Variants in C2CD2 observed in about 807,000 individuals in gnomAD.
C2CD2 encodes C2 calcium dependent domain containing 2, also known as C2 domain-containing protein 2.
In C2CD2, 43 loss-of-function variants were observed where a neutral mutation model predicts 74.3. That is an observed-to-expected ratio of 0.58 (90% CI 0.45 to 0.75). The LOEUF (loss-of-function observed/expected upper bound fraction) is 0.75. Ranked by LOEUF, C2CD2 falls within the 30% of genes least tolerant of loss-of-function variation. C2CD2 has a pLI of 0.00. For synonymous variants in C2CD2, 422 were observed against 390.7 expected (o/e 1.08, Z -0.94); for missense variants, 801 against 916.3 (o/e 0.87, Z 1.63).
chr21:41,934,057 A>AT (rs771487769), intron 2 of C2CD2, among the ~76,000 whole-genome samples: 79 of 152,230 alleles, frequency 5.2e-4, no homozygotes, highest in Non-Finnish European at 1.0e-3. Context: ...AAAAAAAAAA[A>AT]GTTTGGACAT....
At chr21:41,938,845 G>A (rs906023773) in intron 2 of C2CD2, among the ~76,000 whole-genome samples, 5 of 151,096 alleles carry the variant, frequency 3.3e-5, no homozygotes, top group East Asian at 1.9e-4. Flanking sequence ...AGGTTCAAGC[G>A]ATTCTCCTGC....
At position 41,888,877 on chromosome 21, in the gene C2CD2, C is replaced by T. The variant is rs1569049872; in HGVS notation, c.*247G>A. 4 of 574,052 alleles carry T rather than the reference C, an allele frequency of 7.0e-6. No individual in the cohort carries two copies. In the East Asian group the frequency reaches 1.2e-4, roughly 17 times the overall value. The allele number at this position is 574,052 out of a possible 1,614,324, so 35.6% of individuals were successfully genotyped here. ...CCTAACCCTTAGCTATGAGCACAGC[C>T]CAAGCTCTGCAGCTGTCAAGTCTCA... On this transcript the variant is annotated 3_prime_UTR_variant, in exon 14 of 14. Coordinates refer to ENST00000380486, the MANE Select transcript of C2CD2 (RefSeq NM_015500.2).
chr21:41,909,491 A>T lies in C2CD2; in HGVS notation c.986T>A (p.Leu329Gln), dbSNP rs377041758. ...ELNAKSKELH[L>Q]QISEAGRSSE... ...GGATCGCCCAGCCTCTGAAATCTGC[A>T]GGTGTAACTCCTTCGACTTGGCATT... The change falls in exon 8 of 14, where the codon CTG (leucine) becomes CAG (glutamine). Residue 329 changes from leucine to glutamine, a missense_variant. Physicochemically the swap from Leu to Gln is moderately radical, Grantham distance 113. Transcript: ENST00000380486. 6.2e-7 allele frequency: 1 copy of T among 1,613,638 alleles called. No homozygotes were observed. Among genetic ancestry groups the T allele is most frequent in the African/African-American group, 1.3e-5 (1 of 74,898 alleles).
chr21:41,929,811 T>C lies in C2CD2; in HGVS notation c.379-7726A>G, dbSNP rs2065247550. Among the ~76,000 whole-genome samples the C allele has an allele frequency of 6.6e-6, 1 of 152,188 alleles. No homozygotes were observed. The highest frequency in any genetic ancestry group is 2.1e-4 in the South Asian group (1 of 4,832). The stretch of plus-strand genomic sequence containing the variant: ...GTTACGTTGAAAGCCACAGTTACCA[T>C]ACTGTAACCAGAATTCAGGCAGTGG... On this transcript the variant is annotated intron_variant, in intron 2 of 13. Transcript: ENST00000380486. This position sits in a 1 kb window ranked among gnomAD's most constrained non-coding sequence, Gnocchi z 4.6.
chr21:41,950,937 G>T (rs1278497892), intron 1 of C2CD2, among the ~76,000 whole-genome samples: 1 of 152,208 alleles, frequency 6.6e-6, no homozygotes, highest in Admixed American at 6.5e-5. Flanking sequence ...GTAGGACAGA[G>T]TGATATCAGG....
chr21:41,908,195 T>G (rs1049962996), intron 8 of C2CD2: 2 of 248,582 alleles, frequency 8.0e-6, no homozygotes, highest in Non-Finnish European at 7.7e-6. Flanking sequence ...AAATACACAC[T>G]AAAGAATTGA....
At position 41,942,157 on chromosome 21, in the gene C2CD2, G is replaced by C. The variant is rs201798564; in HGVS notation, c.368C>G (p.Ala123Gly). The change falls in exon 2 of 14, where the codon GCG becomes GGG. Residue 123 changes from alanine to glycine, a missense_variant. Physicochemically the swap from Ala to Gly is moderately conservative, Grantham distance 60 (BLOSUM62 0). Coordinates refer to ENST00000380486, the MANE Select transcript of C2CD2 (RefSeq NM_015500.2). ...GGCTCCTGGGCTCACCTTCTCCTCC[G>C]CCGACCTGAGCACGCTGGAGACCTC... is the stretch of plus-strand genomic sequence containing the variant. Reference protein sequence around the residue: ...VQEVSSVLRSAEEKVVVCHVV... With the variant: ...VQEVSSVLRSGEEKVVVCHVV... The C allele has an allele frequency of 6.1e-5, 95 of 1,549,126 alleles. No homozygotes were observed. The highest frequency in any genetic ancestry group is 7.5e-5 in the Non-Finnish European group (86 of 1,146,800).
intron 5 of C2CD2, among the ~76,000 whole-genome samples, chr21:41,916,408 A>C (rs1364228208): frequency 6.9e-6 from 1 of 144,236 alleles, no homozygotes; most frequent in Non-Finnish European, 1.5e-5. Flanking sequence ...TGGAACAGAA[A>C]GGCTGAGTAA....
chr21:41,943,444 G>A (rs999549819), intron 1 of C2CD2, among the ~76,000 whole-genome samples: 67 of 152,300 alleles, frequency 4.4e-4, no homozygotes, highest in African/African-American at 1.4e-3. Context: ...GAGGCCAAAC[G>A]TGTACATCAA....
At chr21:41,930,237 A>G (rs546918022) in intron 2 of C2CD2, among the ~76,000 whole-genome samples, 2 of 150,138 alleles carry the variant, frequency 1.3e-5, no homozygotes, top group South Asian at 2.1e-4. Flanking sequence ...ACCTGAGCAC[A>G]TGGTTAGGTA....
At chr21:41,920,953 G>A (rs1028375457) in intron 3 of C2CD2, among the ~76,000 whole-genome samples, 5 of 152,188 alleles carry the variant, frequency 3.3e-5, no homozygotes, top group African/African-American at 1.2e-4. Context: ...AACATCTGGG[G>A]GATGTAGGAG....
At chr21:41,906,787 T>C (rs1176525783) in intron 10 of C2CD2, among the ~76,000 whole-genome samples, 2 of 152,208 alleles carry the variant, frequency 1.3e-5, no homozygotes, top group African/African-American at 2.4e-5. Context: ...TTATTGCATA[T>C]GTGTTTGGCA....
chr21:41,931,345 C>T (rs2065259409), intron 2 of C2CD2, among the ~76,000 whole-genome samples: 1 of 149,974 alleles, frequency 6.7e-6, no homozygotes, highest in Non-Finnish European at 1.5e-5. Context: ...TGTGTTTGGT[C>T]TTTGTTCCTG....
At chr21:41,914,531 G>C (rs1010419601) in intron 6 of C2CD2, 67 bp downstream of exon 6, 2 of 1,454,604 alleles carry the variant, frequency 1.4e-6, no homozygotes, top group Admixed American at 4.2e-5. Flanking sequence ...AGGCCCCCCG[G>C]AGCCCCCGAC....
rs931611967 is a variant in C2CD2, at chr21:41,887,750, A to G, written c.*1374T>C. 6.6e-6 allele frequency: 1 copy of G among 152,174 alleles called. No individual in the cohort carries two copies. The highest frequency in any genetic ancestry group is 2.4e-5 in the African/African-American group (1 of 41,392). 9.4% of individuals were successfully genotyped at this position (152,174 alleles called of 1,614,324 possible). A position where few individuals can be genotyped will look rare whatever the true frequency, so the allele number is the denominator to read the frequency against. ...AGGATTAACAAGAGGCTACGGAAGG[A>G]AGCTTGCCCATTTCCGTCTCCATGA... On this transcript the variant is annotated 3_prime_UTR_variant, in exon 14 of 14. Transcript: ENST00000380486.
chr21:41,895,969 G>A lies in C2CD2; in HGVS notation c.1870+3084C>T, dbSNP rs2839413. On this transcript the variant is annotated intron_variant, in intron 13 of 13. Transcript: ENST00000380486. This position sits in a 1 kb window ranked among gnomAD's most constrained non-coding sequence, Gnocchi z 5.0. ...AAGGAACCAGCTTCTTCCTGTGGGT[G>A]TCACAGCGAGGTCGCCTGGCCACAT... Among the ~76,000 whole-genome samples the A allele has an allele frequency of 0.12, 18,340 of 152,234 alleles. 1,601 individuals carry two copies. Among genetic ancestry groups the A allele is most frequent in the African/African-American group, 0.24 (10,031 of 41,478 alleles).
intron 11 of C2CD2, among the ~76,000 whole-genome samples, chr21:41,904,331 C>G (rs76528406): frequency 6.6e-6 from 1 of 151,838 alleles, no homozygotes; most frequent in African/African-American, 2.4e-5. Flanking sequence ...CGCCGCCCCT[C>G]GTAGAAAACT....
chr21:41,918,347 T>C, intron 4 of C2CD2, 120 bp from the exon 5 acceptor site: 2 of 1,102,458 alleles, frequency 1.8e-6, no homozygotes, highest in Non-Finnish European at 1.3e-6. Context: ...ACCTTCAGAT[T>C]TTAGCTCTGT....
chr21:41,928,293 G>A (rs1014680034), intron 2 of C2CD2, among the ~76,000 whole-genome samples: 2 of 152,066 alleles, frequency 1.3e-5, no homozygotes, highest in Admixed American at 6.5e-5. Context: ...GGCCAAAGTC[G>A]GGCTGCACCT....
Sources: allele counts gnomAD v4.1 joint callset (sites outside exome capture counted in the v4.1 genomes callset), GRCh38; gene constraint gnomAD v4.1.1; non-coding constraint Gnocchi (gnomAD v3.1); transcripts MANE v1.5; gene names NCBI Gene and HGNC (gene_info 2026-07-23, HGNC 2026-07-21).